Variants in PRKACG observed in about 807,000 individuals in gnomAD.
PRKACG encodes the protein cAMP-dependent protein kinase catalytic subunit gamma.
A neutral mutation model predicts 25.6 loss-of-function variants in PRKACG; 24 were observed. The observed-to-expected ratio is 0.94, with a 90% CI of 0.68 to 1.32. PRKACG has a LOEUF of 1.32. Ranked by LOEUF, PRKACG falls within the 40% of genes most tolerant of loss-of-function variation. The pLI is 0.00. For missense variants in PRKACG, 481 were observed against 462.9 expected (o/e 1.04, Z -0.36); for synonymous variants, 202 against 195.9 (o/e 1.03, Z -0.26).
In PRKACG at chr9:69,014,081, G is replaced by A. The variant is rs767614983; in HGVS notation, c.12C>T (p.Ala4=). ...CCTGCTCGGTGTCCTTCTTGGCGGG[G>A]GCGTTGCCCATGGCGGTGGCGGCGG... MGN[A]PAKKDTEQEE... is the part of the protein sequence containing the mutation. Residue 4 remains alanine, a synonymous_variant, in exon 1 of 1, where the codon GCC becomes GCT. Transcript: ENST00000377276. 11 of 1,596,922 alleles carry A rather than the reference G, an allele frequency of 6.9e-6. No individual in the cohort carries two copies. The highest frequency in any genetic ancestry group is 9.4e-6 in the Non-Finnish European group (11 of 1,170,604).
At position 69,013,384 on chromosome 9, in the gene PRKACG, G is replaced by C; in HGVS notation, c.709C>G (p.Pro237Ala). ...ATGGGCTGGTCGGCGTAGAAGGGTG[G>C]GAAGCCCACGGCCATCTCATAGATG... is the stretch of plus-strand genomic sequence containing the variant. ...VLIYEMAVGF[P>A]PFYADQPIQI... is the part of the protein sequence containing the mutation. The change falls in exon 1 of 1, where the codon CCA (proline) becomes GCA (alanine). Residue 237 changes from proline to alanine, a missense_variant. Pro to Ala is a conservative substitution (Grantham distance 27, BLOSUM62 -1). Coordinates refer to ENST00000377276, the MANE Select transcript of PRKACG (RefSeq NM_002732.4). 6.2e-7 allele frequency: 1 copy of C among 1,613,674 alleles called. No individual in the cohort carries two copies. Among genetic ancestry groups the C allele is most frequent in the African/African-American group, 1.3e-5 (1 of 74,988 alleles).
chr9:69,014,064 G>A lies in PRKACG; in HGVS notation c.29C>T (p.Thr10Ile), dbSNP rs749522735. 9 of 1,608,414 alleles carry A rather than the reference G, an allele frequency of 5.6e-6. 1 individual carries two copies. In the South Asian group the frequency reaches 9.9e-5, roughly 18 times the overall value. Residue 10 changes from threonine (T) to isoleucine (I), a missense_variant, in exon 1 of 1, where the codon ACC becomes ATC. Transcript: ENST00000377276. MGNAPAKKD[T>I]EQEESVNEFL... is the part of the protein sequence containing the mutation. ...CTCGTTCACGCTCTCCTCCTGCTCG[G>A]TGTCCTTCTTGGCGGGGGCGTTGCC...
rs140133619 is a variant in PRKACG at position 69,013,373 on chromosome 9, G to C, written c.720C>G (p.Tyr240Ter). Residue 240 changes from tyrosine to a stop codon, truncating the protein, a stop_gained, in exon 1 of 1, where the codon TAC (tyrosine) becomes TAG (stop). Transcript: ENST00000377276. LOFTEE classifies it high-confidence loss of function. ...CGTAGATCTGGATGGGCTGGTCGGCGTAGAAGGGTGGGAAGCCCACGGCCA... is the reference window on the plus strand; with the variant it reads ...CGTAGATCTGGATGGGCTGGTCGGCCTAGAAGGGTGGGAAGCCCACGGCCA... Reference protein sequence around the residue: ...YEMAVGFPPFYADQPIQIYEK... With the variant: ...YEMAVGFPPF 9.3e-6 allele frequency: 15 copies of C among 1,613,794 alleles called. No homozygotes were observed. Among genetic ancestry groups the C allele is most frequent in the Non-Finnish European group, 1.3e-5 (15 of 1,180,008 alleles).
rs142083047 is a variant in PRKACG at position 69,013,679 on chromosome 9, C to T, written c.414G>A (p.Arg138=). The part of the protein sequence containing the change: ...EMFSRLQRVG[R]FSEPHACFYA... ...AGAAACAGGCATGGGGCTCGCTAAA[C>T]CTTCCGACGCGCTGTAGGCGGGAGA... Residue 138 remains arginine, a synonymous_variant, in exon 1 of 1, where the codon AGG becomes AGA. Coordinates refer to ENST00000377276, the MANE Select transcript of PRKACG (RefSeq NM_002732.4). 4.3e-5 allele frequency: 69 copies of T among 1,613,994 alleles called. No individual in the cohort carries two copies. The highest frequency in any genetic ancestry group is 5.8e-5 in the Non-Finnish European group (68 of 1,180,034).
chr9:69,012,912 TG>T lies in PRKACG; in HGVS notation c.*124del. On this transcript the variant is annotated 3_prime_UTR_variant, in exon 1 of 1. Coordinates refer to ENST00000377276, the MANE Select transcript of PRKACG (RefSeq NM_002732.4). ...TTCCTGCTCCCCCAACCCTGGAGGG[TG>T]GGGTGAGGATGAAATTAGATACAAG... 1.1e-6 allele frequency: 1 copy of T among 939,018 alleles called. No individual in the cohort carries two copies. The highest frequency in any genetic ancestry group is 1.6e-6 in the Non-Finnish European group (1 of 640,658). The allele number at this position is 939,018 out of a possible 1,614,324, so 58.2% of individuals were successfully genotyped here.
rs1438559452 is a variant in PRKACG at position 69,013,650 on chromosome 9, G to C, written c.443C>G (p.Ala148Gly). Residue 148 changes from alanine (A) to glycine (G), a missense_variant, in exon 1 of 1, where the codon GCC becomes GGC. Physicochemically the swap from Ala to Gly is moderately conservative, Grantham distance 60. Transcript: ENST00000377276. The stretch of plus-strand genomic sequence containing the variant: ...CTGGACGGCCAGGACGACCTGGGCG[G>C]CATAGAAACAGGCATGGGGCTCGCT... ...RFSEPHACFYAAQVVLAVQYL... is the reference protein window; with the variant it reads ...RFSEPHACFYGAQVVLAVQYL... 1 of 1,613,932 alleles carries C rather than the reference G, an allele frequency of 6.2e-7. No individual in the cohort carries two copies. Among genetic ancestry groups the C allele is most frequent in the East Asian group, 2.2e-5 (1 of 44,842 alleles).
In PRKACG at chr9:69,013,175, G is replaced by C. The variant is rs375696403; in HGVS notation, c.918C>G (p.Ile306Met). ...KWFATTSWIA[I>M]YEKKVEAPFI... ...AGGGAGCTTCCACCTTCTTCTCATA[G>C]ATGGCGATCCAGCTGGTTGTGGCGA... Residue 306 changes from isoleucine to methionine, a missense_variant, in exon 1 of 1, where the codon ATC becomes ATG. Coordinates refer to ENST00000377276, the MANE Select transcript of PRKACG (RefSeq NM_002732.4). The C allele has an allele frequency of 6.2e-6, 10 of 1,614,152 alleles. No homozygotes were observed. Among genetic ancestry groups the C allele is most frequent in the Non-Finnish European group, 5.9e-6 (7 of 1,180,020 alleles).
At position 69,013,672 on chromosome 9, in the gene PRKACG, C is replaced by A. The variant is rs775968800; in HGVS notation, c.421G>T (p.Glu141Ter). The change falls in exon 1 of 1, where the codon GAG (glutamate) becomes TAG (stop). Residue 141 changes from glutamate (E) to a stop codon, truncating the protein, a stop_gained. Coordinates refer to ENST00000377276, the MANE Select transcript of PRKACG (RefSeq NM_002732.4). LOFTEE classifies it high-confidence loss of function. ...SRLQRVGRFSEPHACFYAAQV... is the reference protein window; with the variant it reads ...SRLQRVGRFS ...GCGGCATAGAAACAGGCATGGGGCT[C>A]GCTAAACCTTCCGACGCGCTGTAGG... The A allele has an allele frequency of 2.5e-6, 4 of 1,614,022 alleles. No individual in the cohort carries two copies. The South Asian group carries it at 4.4e-5, about 18-fold the overall frequency.
At position 69,013,352 on chromosome 9, in the gene PRKACG, G is replaced by T. The variant is rs747260220; in HGVS notation, c.741C>A (p.Ile247=). The T allele has an allele frequency of 1.9e-6, 3 of 1,613,952 alleles. No individual in the cohort carries two copies. Among genetic ancestry groups the T allele is most frequent in the African/African-American group, 1.3e-5 (1 of 74,930 alleles). Residue 247 remains isoleucine, a synonymous_variant, in exon 1 of 1, where the codon ATC becomes ATA. Transcript: ENST00000377276. The part of the protein sequence containing the change: ...PPFYADQPIQ[I]YEKIVSGRVR... ...CCCTCCCAGAGACGATCTTCTCGTA[G>T]ATCTGGATGGGCTGGTCGGCGTAGA... is the stretch of plus-strand genomic sequence containing the variant.
rs755519887 is a variant in PRKACG at position 69,013,923 on chromosome 9, C to A, written c.170G>T (p.Arg57Leu). 1.2e-6 allele frequency: 2 copies of A among 1,613,948 alleles called. No homozygotes were observed. The highest frequency in any genetic ancestry group is 2.2e-5 in the South Asian group (2 of 91,068). Residue 57 changes from arginine to leucine, a missense_variant, in exon 1 of 1, where the codon CGG becomes CTG. Coordinates refer to ENST00000377276, the MANE Select transcript of PRKACG (RefSeq NM_002732.4). ...LRTLGMGSFGRVMLVRHQETG... is the reference protein window; with the variant it reads ...LRTLGMGSFGLVMLVRHQETG... ...CTCCTGGTGCCTCACCAGCATCACCCGCCCGAAGGAGCCCATGCCCAGCGT... is the reference window on the plus strand; with the variant it reads ...CTCCTGGTGCCTCACCAGCATCACCAGCCCGAAGGAGCCCATGCCCAGCGT...
In PRKACG at chr9:69,013,570, T is replaced by A. The variant is rs769714404; in HGVS notation, c.523A>T (p.Ile175Phe). Residue 175 changes from isoleucine to phenylalanine, a missense_variant, in exon 1 of 1, where the codon ATC becomes TTC. By Grantham distance (21) the Ile-to-Phe change is conservative. Transcript: ENST00000377276. ...ACCTGCAGGTAGCCCTGCTGGTCGA[T>A]GAGGAGATTCTCGGGCTTCAGGTCG... is the stretch of plus-strand genomic sequence containing the variant. ...HRDLKPENLL[I>F]DQQGYLQVTD... 1.2e-6 allele frequency: 2 copies of A among 1,613,444 alleles called. No homozygotes were observed. Among genetic ancestry groups the A allele is most frequent in the African/African-American group, 1.3e-5 (1 of 74,872 alleles).
Position 69,013,326 on chromosome 9 carries a change from A to T in PRKACG, c.767T>A (p.Val256Glu). 3 of 1,613,584 alleles carry T rather than the reference A, an allele frequency of 1.9e-6. No individual in the cohort carries two copies. Among genetic ancestry groups the T allele is most frequent in the Non-Finnish European group, 1.7e-6 (2 of 1,179,928 alleles). The change falls in exon 1 of 1, where the codon GTG (valine) becomes GAG (glutamate). Residue 256 changes from valine (V) to glutamate (E), a missense_variant. By Grantham distance (121) the Val-to-Glu change is moderately radical. Coordinates refer to ENST00000377276, the MANE Select transcript of PRKACG (RefSeq NM_002732.4). The part of the protein sequence containing the change: ...QIYEKIVSGR[V>E]RFPSKLSSDL... ...AGAGCTGAGTTTGGAGGGAAACCGC[A>T]CCCTCCCAGAGACGATCTTCTCGTA... is the stretch of plus-strand genomic sequence containing the variant.
In PRKACG at chr9:69,013,237, T is replaced by G. The variant is rs369389606; in HGVS notation, c.856A>C (p.Arg286=). The G allele has an allele frequency of 6.2e-6, 10 of 1,614,046 alleles. No individual in the cohort carries two copies. The highest frequency in any genetic ancestry group is 7.6e-6 in the Non-Finnish European group (9 of 1,180,034). Residue 286 remains arginine (R), a synonymous_variant, in exon 1 of 1, where the codon AGG becomes CGG. Coordinates refer to ENST00000377276, the MANE Select transcript of PRKACG (RefSeq NM_002732.4). ...TTCTTGATGTCGCCAACCCCGTTCC[T>G]GAGGTTTCCGAAGCGCTTGGTGAGG... ...VDLTKRFGNL[R]NGVGDIKNHK...
chr9:69,013,920 A>G lies in PRKACG; in HGVS notation c.173T>C (p.Val58Ala). The G allele has an allele frequency of 1.9e-6, 3 of 1,613,176 alleles. No individual in the cohort carries two copies. Among genetic ancestry groups the G allele is most frequent in the South Asian group, 2.2e-5 (2 of 91,024 alleles). The part of the protein sequence containing the change: ...RTLGMGSFGR[V>A]MLVRHQETGG... ...GGTCTCCTGGTGCCTCACCAGCATC[A>G]CCCGCCCGAAGGAGCCCATGCCCAG... Residue 58 changes from valine (V) to alanine (A), a missense_variant, in exon 1 of 1, where the codon GTG becomes GCG. Physicochemically the swap from Val to Ala is moderately conservative, Grantham distance 64. Transcript: ENST00000377276.
chr9:69,013,397 C>T lies in PRKACG; in HGVS notation c.696G>A (p.Met232Ile), dbSNP rs755879673. 1 of 1,613,676 alleles carries T rather than the reference C, an allele frequency of 6.2e-7. No homozygotes were observed. Among genetic ancestry groups the T allele is most frequent in the Non-Finnish European group, 8.5e-7 (1 of 1,180,010 alleles). The change falls in exon 1 of 1, where the codon ATG (methionine) becomes ATA (isoleucine). Residue 232 changes from methionine to isoleucine, a missense_variant. Physicochemically the swap from Met to Ile is conservative, Grantham distance 10. Transcript: ENST00000377276. ...CGTAGAAGGGTGGGAAGCCCACGGCCATCTCATAGATGAGCACCCCTAGGG... is the reference window on the plus strand; with the variant it reads ...CGTAGAAGGGTGGGAAGCCCACGGCTATCTCATAGATGAGCACCCCTAGGG... Reference protein sequence around the residue: ...WWALGVLIYEMAVGFPPFYAD... With the variant: ...WWALGVLIYEIAVGFPPFYAD...
Position 69,013,825 on chromosome 9 carries a change from G to A in PRKACG, c.268C>T (p.Leu90=), listed in dbSNP as rs752094075. The A allele has an allele frequency of 1.2e-6, 2 of 1,613,878 alleles. No individual in the cohort carries two copies. Among genetic ancestry groups the A allele is most frequent in the South Asian group, 2.2e-5 (2 of 91,074 alleles). The change falls in exon 1 of 1, where the codon CTG becomes TTG. Residue 90 remains leucine, a synonymous_variant. Transcript: ENST00000377276. ...GCCTGCAGGATGCGCTTCTCGTTCA[G>A]TATGTGCTCGACCTGCTTCATCTTC... is the stretch of plus-strand genomic sequence containing the variant. The part of the protein sequence containing the change: ...VVKMKQVEHI[L]NEKRILQAID...
Position 69,013,668 on chromosome 9 carries a change from G to A in PRKACG, c.425C>T (p.Pro142Leu), listed in dbSNP as rs757424659. 9.3e-6 allele frequency: 15 copies of A among 1,614,030 alleles called. No homozygotes were observed. The South Asian group carries it at 1.6e-4, about 18-fold the overall frequency. The change falls in exon 1 of 1, where the codon CCC becomes CTC. Residue 142 changes from proline (P) to leucine (L), a missense_variant. By Grantham distance (98) the Pro-to-Leu change is moderately conservative. Transcript: ENST00000377276. Reference protein sequence around the residue: ...RLQRVGRFSEPHACFYAAQVV... With the variant: ...RLQRVGRFSELHACFYAAQVV... ...CTGGGCGGCATAGAAACAGGCATGGGGCTCGCTAAACCTTCCGACGCGCTG... is the reference window on the plus strand; with the variant it reads ...CTGGGCGGCATAGAAACAGGCATGGAGCTCGCTAAACCTTCCGACGCGCTG...
rs1016513377 is a variant in PRKACG at position 69,013,131 on chromosome 9, C to T, written c.962G>A (p.Gly321Asp). 2.5e-6 allele frequency: 4 copies of T among 1,614,050 alleles called. No homozygotes were observed. In the African/African-American group the frequency reaches 5.3e-5, roughly 22 times the overall value. ...GTCAAAGTTACTGGCATCCCCAGGG[C>T]CTGTGTACTTCGGGATGAAGGGAGC... ...VEAPFIPKYT[G>D]PGDASNFDDY... Residue 321 changes from glycine to aspartate, a missense_variant, in exon 1 of 1, where the codon GGC becomes GAC. Coordinates refer to ENST00000377276, the MANE Select transcript of PRKACG (RefSeq NM_002732.4).
Position 69,013,873 on chromosome 9 carries a change from T to A in PRKACG, c.220A>T (p.Ile74Phe), listed in dbSNP as rs1176757200. 1 of 1,613,566 alleles carries A rather than the reference T, an allele frequency of 6.2e-7. No homozygotes were observed. Among genetic ancestry groups the A allele is most frequent in the Admixed American group, 1.7e-5 (1 of 59,978 alleles). The stretch of plus-strand genomic sequence containing the variant: ...TTCACCACCTTCTGCTTGTTGAGGA[T>A]CTTCATGGCGTAGTGGCCGCCGGTC... Reference protein sequence around the residue: ...QETGGHYAMKILNKQKVVKMK... With the variant: ...QETGGHYAMKFLNKQKVVKMK... The change falls in exon 1 of 1, where the codon ATC becomes TTC. Residue 74 changes from isoleucine to phenylalanine, a missense_variant. Ile to Phe is a conservative substitution (Grantham distance 21, BLOSUM62 0). Transcript: ENST00000377276.
Sources: allele counts gnomAD v4.1 joint callset, GRCh38; gene constraint gnomAD v4.1.1; transcripts MANE v1.5; gene names NCBI Gene and HGNC (gene_info 2026-07-23, HGNC 2026-07-21).